ZNF716: variants seen among roughly 807,000 people sequenced by gnomAD.
The protein encoded by ZNF716 is zinc finger protein 716.
Under a neutral mutation model 13.4 loss-of-function variants are expected in ZNF716, and 9 were observed. The observed-to-expected ratio is 0.67, with a 90% CI of 0.41 to 1.18. ZNF716 has a LOEUF of 1.18. Ranked by LOEUF, ZNF716 falls within the 50% of genes most tolerant of loss-of-function variation. ZNF716 has a pLI of 0.01. For synonymous variants in ZNF716, 186 were observed against 195.2 expected, an observed-to-expected ratio of 0.95 and a Z score of 0.39; for missense variants, 581 against 576.6, an observed-to-expected ratio of 1.01 and a Z score of -0.08.
Position 57,469,165 on chromosome 7 carries a change from A to G in ZNF716, c.704A>G (p.His235Arg), listed in dbSNP as rs541936864. The change falls in exon 4 of 4, where the codon CAT becomes CGT. Residue 235 changes from histidine to arginine, a missense_variant. Coordinates refer to ENST00000420713, the MANE Select transcript of ZNF716 (RefSeq NM_001159279.1). ...SSTLTRHKRI[H>R]TGEKPYRCEE... ...ACCCTTACTAGACATAAAAGAATTC[A>G]TACTGGAGAGAAACCCTACAGATGT... The G allele has an allele frequency of 1.4e-5, 23 of 1,612,494 alleles. No homozygotes were observed. The highest frequency in any genetic ancestry group is 2.0e-5 in the Non-Finnish European group (23 of 1,179,246).
chr7:57,462,666 G>C (rs1265151810), intron 2 of ZNF716, 80 bp downstream of exon 2: 25 of 1,455,038 alleles, frequency 1.7e-5, no homozygotes, highest in Non-Finnish European at 2.3e-5. Context: ...TTTCTGCTTT[G>C]CATGAATGAA....
At chr7:57,456,734 C>CA (rs112840455) in intron 1 of ZNF716, among the ~76,000 whole-genome samples, 2,969 of 133,422 alleles carry the variant, frequency 0.022, 62 homozygotes, top group African/African-American at 0.067. Context: ...GACTGCATTT[C>CA]AAAAAAAAAA....
rs781835613 is a variant in ZNF716 at position 57,469,112 on chromosome 7, A to G, written c.651A>G (p.Glu217=). 5.0e-6 allele frequency: 8 copies of G among 1,608,820 alleles called. No homozygotes were observed. The highest frequency in any genetic ancestry group is 5.9e-6 in the Non-Finnish European group (7 of 1,177,150). ...GGGAGAAGTCTTACAAATGTGAAGA[A>G]TGTGGCAAATCCTTTAACTGCTCTT... ...HTREKSYKCE[E]CGKSFNCSST... Residue 217 remains glutamate, a synonymous_variant, in exon 4 of 4, where the codon GAA becomes GAG. Coordinates refer to ENST00000420713, the MANE Select transcript of ZNF716 (RefSeq NM_001159279.1).
intron 3 of ZNF716, among the ~76,000 whole-genome samples, chr7:57,464,529 A>G (rs1290250631): frequency 2.0e-5 from 3 of 152,020 alleles, no homozygotes; most frequent in African/African-American, 7.2e-5. Flanking sequence ...AAATATTGTC[A>G]CCCATTTCTT....
intron 3 of ZNF716, among the ~76,000 whole-genome samples, chr7:57,468,293 C>T (rs1471029415): frequency 6.6e-6 from 1 of 152,086 alleles, no homozygotes; most frequent in East Asian, 1.9e-4. Context: ...TCAAAGTATA[C>T]CAGCATTTCA....
At chr7:57,467,428 T>C (rs1789836225) in intron 3 of ZNF716, among the ~76,000 whole-genome samples, 1 of 152,132 alleles carries the variant, frequency 6.6e-6, no homozygotes, top group African/African-American at 2.4e-5. Context: ...TTTTCCAGCA[T>C]TGGTTTATTC....
intron 3 of ZNF716, among the ~76,000 whole-genome samples, chr7:57,465,711 AT>A (rs1789795564): frequency 6.6e-6 from 1 of 152,188 alleles, no homozygotes; most frequent in Non-Finnish European, 1.5e-5. Context: ...GCAAATAAGA[AT>A]ATTGCATGTC....
intron 1 of ZNF716, 93 bp from the exon 2 acceptor site, chr7:57,462,367 C>G: frequency 7.0e-7 from 1 of 1,424,624 alleles, no homozygotes; most frequent in Non-Finnish European, 9.7e-7. Flanking sequence ...TCTTATTTAA[C>G]ATGAGTCAAA....
chr7:57,468,605 G>T (rs11135654), intron 3 of ZNF716, 119 bp from the exon 4 acceptor site: 74 of 988,282 alleles, frequency 7.5e-5, no homozygotes, highest in South Asian at 3.5e-5. Flanking sequence ...ATTACGGCTT[G>T]TGGTATTTTG....
At chr7:57,465,018 T>C (rs1334304395) in intron 3 of ZNF716, among the ~76,000 whole-genome samples, 1 of 152,214 alleles carries the variant, frequency 6.6e-6, no homozygotes, top group South Asian at 2.1e-4. Context: ...AATGCCTCTG[T>C]GTTTTTCATG....
intron 3 of ZNF716, among the ~76,000 whole-genome samples, chr7:57,464,267 A>G (rs1305372397): frequency 6.6e-6 from 1 of 151,652 alleles, no homozygotes; most frequent in Non-Finnish European, 1.5e-5. Context: ...GTTTACAGGG[A>G]TGTGCCACCA....
chr7:57,463,621 A>G (rs1789747900), intron 3 of ZNF716, among the ~76,000 whole-genome samples: 1 of 150,180 alleles, frequency 6.7e-6, no homozygotes, highest in South Asian at 2.1e-4. Flanking sequence ...TTATTACTAT[A>G]GCCTTGACAT....
chr7:57,467,537 C>T (rs113206335), intron 3 of ZNF716, among the ~76,000 whole-genome samples: 7 of 126,706 alleles, frequency 5.5e-5, no homozygotes, highest in African/African-American at 8.5e-5. Flanking sequence ...CCATTTTGCA[C>T]GTTTTTTTCT....
At chr7:57,463,646 C>T (rs1160821852) in intron 3 of ZNF716, among the ~76,000 whole-genome samples, 3 of 149,758 alleles carry the variant, frequency 2.0e-5, no homozygotes, top group Admixed American at 6.7e-5. Flanking sequence ...ATTTTTTTTA[C>T]AATTTTTTTA....
At position 57,450,200 on chromosome 7, in the gene ZNF716, G is replaced by T; in HGVS notation, c.-89G>T. 6.3e-7 allele frequency: 1 copy of T among 1,591,332 alleles called. No individual in the cohort carries two copies. Among genetic ancestry groups the T allele is most frequent in the Non-Finnish European group, 8.6e-7 (1 of 1,164,684 alleles). On this transcript the variant is annotated 5_prime_UTR_variant, in exon 1 of 4. Coordinates refer to ENST00000420713, the MANE Select transcript of ZNF716 (RefSeq NM_001159279.1). ...TTCTTTTTGCTTCTCTGCGCCCAGA[G>T]CTCCAGTCCTTCTCTTCACTGCTCT...
chr7:57,451,770 CTTTTT>C (rs76825087), intron 1 of ZNF716, among the ~76,000 whole-genome samples: 6 of 136,132 alleles, frequency 4.4e-5, no homozygotes, highest in Non-Finnish European at 9.4e-5. Context: ...CTCTTTCTTT[CTTTTT>C]TTTTTTTTTG....
At chr7:57,454,504 A>C (rs1789551933) in intron 1 of ZNF716, among the ~76,000 whole-genome samples, 1 of 152,150 alleles carries the variant, frequency 6.6e-6, no homozygotes, top group East Asian at 1.9e-4. Context: ...AGTTCTTTCT[A>C]GGGAGCCTTC....
chr7:57,454,207 A>T (rs1379623059), intron 1 of ZNF716, among the ~76,000 whole-genome samples: 1 of 152,204 alleles, frequency 6.6e-6, no homozygotes, highest in Non-Finnish European at 1.5e-5. Context: ...GTTTGTTCAT[A>T]TTACTAATGT....
Position 57,462,512 on chromosome 7 carries a change from A to T in ZNF716, c.92A>T (p.Gln31Leu). The T allele has an allele frequency of 6.2e-7, 1 of 1,613,960 alleles. No individual in the cohort carries two copies. The highest frequency in any genetic ancestry group is 8.5e-7 in the Non-Finnish European group (1 of 1,179,924). ...ATAGAATTTTCTCTGGCGGAATGGC[A>T]ATGCCTGGATCATGCTCAGCAGAAT... is the stretch of plus-strand genomic sequence containing the variant. The part of the protein sequence containing the change: ...IAIEFSLAEW[Q>L]CLDHAQQNLY... Residue 31 changes from glutamine to leucine, a missense_variant, in exon 2 of 4, where the codon CAA (glutamine) becomes CTA (leucine). Transcript: ENST00000420713.
Sources: allele counts gnomAD v4.1 joint callset (sites outside exome capture counted in the v4.1 genomes callset), GRCh38; gene constraint gnomAD v4.1.1; transcripts MANE v1.5; gene names NCBI Gene and HGNC (gene_info 2026-07-23, HGNC 2026-07-21).